Variants in SPIDR observed in about 807,000 individuals in gnomAD.
SPIDR encodes the protein DNA repair-scaffolding protein.
A neutral mutation model predicts 104.6 loss-of-function variants in SPIDR; 93 were observed. That is an observed-to-expected ratio of 0.89 (90% CI 0.75 to 1.06). SPIDR has a LOEUF of 1.06. Ranked by LOEUF, SPIDR falls within the 50% of genes least tolerant of loss-of-function variation. The pLI is 0.00. For synonymous variants in SPIDR, 431 were observed against 416.9 expected (o/e 1.03, Z -0.41); for missense variants, 1,154 against 1,111.2 (o/e 1.04, Z -0.55).
At chr8:47,700,273 C>T (rs1394357587) in intron 11 of SPIDR, 130 bp from the exon 12 acceptor site, 3 of 928,842 alleles carry the variant, frequency 3.2e-6, no homozygotes, top group African/African-American at 3.2e-5. Flanking sequence ...CCCTCTGAAT[C>T]GCCACACATC....
At chr8:47,547,272 A>T in intron 8 of SPIDR, 1 of 597,342 alleles carries the variant, frequency 1.7e-6, no homozygotes. Context: ...CAGCAAAGCA[A>T]CCCTTGGTGT....
In SPIDR at chr8:47,396,657, T is replaced by A. The variant is rs922542674; in HGVS notation, c.776+31T>A. 6 of 1,550,914 alleles carry A rather than the reference T, an allele frequency of 3.9e-6. No homozygotes were observed. In the African/African-American group the frequency reaches 4.2e-5, roughly 11 times the overall value. On this transcript the variant is annotated intron_variant, in intron 6 of 19. Transcript: ENST00000297423. ...ATTATACCCTTTTAAATACTCTTTT[T>A]AAATTTTTCTCTTTCTTTAAAAACC...
At chr8:47,470,352 G>T (rs1353065838) in intron 8 of SPIDR, among the ~76,000 whole-genome samples, 3 of 152,038 alleles carry the variant, frequency 2.0e-5, no homozygotes, top group Non-Finnish European at 2.9e-5. Context: ...GCAGCGACAC[G>T]ATCTCGGCTC....
intron 5 of SPIDR, among the ~76,000 whole-genome samples, chr8:47,373,634 C>T (rs1587862647): frequency 2.0e-5 from 3 of 151,898 alleles, no homozygotes; most frequent in Non-Finnish European, 4.4e-5. Context: ...CATATTGCTT[C>T]GGTGATTTTC....
chr8:47,279,768 G>A (rs925565434), intron 1 of SPIDR, 94 bp from the exon 2 acceptor site: 341 of 1,291,682 alleles, frequency 2.6e-4, no homozygotes, highest in Non-Finnish European at 3.5e-4. Flanking sequence ...CCACTTCTAG[G>A]TTTTCAGATT....
chr8:47,692,931 G>C, intron 11 of SPIDR, among the ~76,000 whole-genome samples: 1 of 152,196 alleles, frequency 6.6e-6, no homozygotes, highest in East Asian at 1.9e-4. Flanking sequence ...CTCTTGGATA[G>C]ACAGCAAGGA....
rs945276195 is a variant in SPIDR, at chr8:47,544,494, T to C, written c.1098-51317T>C. 9.2e-5 allele frequency among the ~76,000 whole-genome samples: 14 copies of C among 152,372 alleles called. No individual in the cohort carries two copies. In the East Asian group the frequency reaches 2.5e-3, roughly 27 times the overall value. On this transcript the variant is annotated intron_variant, in intron 8 of 19. Transcript: ENST00000297423. ...CTGTGTCATTTTGTATTTAACTCTA[T>C]GATCTATTTTGAGTTACTTTTCATA... is the stretch of plus-strand genomic sequence containing the variant.
chr8:47,276,991 C>T (rs2036562214), intron 1 of SPIDR: 1 of 149,496 alleles, frequency 6.7e-6, no homozygotes, highest in African/African-American at 2.5e-5. Flanking sequence ...TGCAATGGCA[C>T]AATCTTGGCT....
At chr8:47,285,659 A>G (rs2154230548) in intron 3 of SPIDR, among the ~76,000 whole-genome samples, 1 of 152,196 alleles carries the variant, frequency 6.6e-6, no homozygotes, top group South Asian at 2.1e-4. Flanking sequence ...TTCTCTGTGC[A>G]TGTCTGTCTT....
At chr8:47,410,187 C>T (rs1361249734) in intron 7 of SPIDR, among the ~76,000 whole-genome samples, 1 of 150,116 alleles carries the variant, frequency 6.7e-6, no homozygotes, top group African/African-American at 2.5e-5. Flanking sequence ...TTTTATTTTA[C>T]CTTTTTTTTT....
chr8:47,495,186 A>G (rs547016372), intron 8 of SPIDR, among the ~76,000 whole-genome samples: 4 of 152,170 alleles, frequency 2.6e-5, no homozygotes, highest in Admixed American at 6.5e-5. Context: ...GCACCCTTCT[A>G]TTGCATAGTG....
At chr8:47,427,405 A>G (rs1369604303) in intron 7 of SPIDR, among the ~76,000 whole-genome samples, 1 of 151,818 alleles carries the variant, frequency 6.6e-6, no homozygotes, top group African/African-American at 2.4e-5. Context: ...GTGATAGAAA[A>G]CTCCACCCTG....
At chr8:47,475,341 AAAG>A (rs2076158702) in intron 8 of SPIDR, among the ~76,000 whole-genome samples, 1 of 152,238 alleles carries the variant, frequency 6.6e-6, no homozygotes, top group South Asian at 2.1e-4. Flanking sequence ...TGCAGTCATG[AAAG>A]ATAGCAAAGA....
chr8:47,647,023 C>T (rs535446967), intron 10 of SPIDR, among the ~76,000 whole-genome samples: 26 of 152,150 alleles, frequency 1.7e-4, no homozygotes, highest in African/African-American at 5.8e-4. Flanking sequence ...GGTAGCAATA[C>T]CTATAATAAT....
Position 47,735,560 on chromosome 8 carries a change from G to C in SPIDR, c.*110G>C. The stretch of plus-strand genomic sequence containing the variant: ...TATGGACACAGTGAACGTAGTTTAC[G>C]ATCTTGAAATGAAACTTAGATTTTT... On this transcript the variant is annotated 3_prime_UTR_variant, in exon 20 of 20. Transcript: ENST00000297423. The C allele has an allele frequency of 6.4e-7, 1 of 1,554,258 alleles. No homozygotes were observed. Among genetic ancestry groups the C allele is most frequent in the Non-Finnish European group, 8.7e-7 (1 of 1,146,406 alleles).
chr8:47,444,968 C>T (rs551083496), intron 8 of SPIDR, among the ~76,000 whole-genome samples: 6 of 152,252 alleles, frequency 3.9e-5, no homozygotes, highest in South Asian at 4.2e-4. Context: ...GTTTCAAAGT[C>T]GCTTTTAGGA....
intron 8 of SPIDR, among the ~76,000 whole-genome samples, chr8:47,507,703 C>G (rs1171821938): frequency 6.6e-6 from 1 of 152,182 alleles, no homozygotes; most frequent in African/African-American, 2.4e-5. Context: ...TCTCTGTAGC[C>G]CCAATACCCA....
intron 16 of SPIDR, among the ~76,000 whole-genome samples, chr8:47,715,964 CTTTTTTTT>C (rs965625857): frequency 7.9e-6 from 1 of 127,096 alleles, no homozygotes; most frequent in Non-Finnish European, 1.7e-5. Context: ...TCTCTTTTTT[CTTTTTTTT>C]TTTTTTTTTT....
chr8:47,729,278 C>T (rs2084818721), intron 18 of SPIDR, 134 bp from the exon 19 acceptor site: 22 of 1,438,004 alleles, frequency 1.5e-5, no homozygotes, highest in East Asian at 2.5e-5. Flanking sequence ...CATCTTTGAC[C>T]TAAGGCCGTG....
Sources: gnomAD v4.1 joint callset for allele counts (sites outside exome capture counted in the v4.1 genomes callset) on GRCh38, gnomAD v4.1.1 for gene constraint, MANE v1.5 for transcripts, NCBI Gene and HGNC (gene_info 2026-07-23, HGNC 2026-07-21) for gene names.